The following MEX3A variants were observed in gnomAD, a reference collection of about 807,000 sequenced individuals.
The protein encoded by MEX3A is mex-3 RNA binding family member A, also known as RNA-binding protein MEX3A.
In MEX3A, 4 loss-of-function variants were observed where a neutral mutation model predicts 30.0. That is an observed-to-expected ratio of 0.13 (90% CI 0.07 to 0.30). The LOEUF is 0.30. Ranked by LOEUF, MEX3A falls within the 10% of genes least tolerant of loss-of-function variation. The pLI is 1.00. For synonymous variants in MEX3A, 335 were observed against 327.6 expected (o/e 1.02, Z -0.24); for missense variants, 555 against 736.7 (o/e 0.75, Z 2.86).
chr1:156,076,870 G>T lies in MEX3A; in HGVS notation c.1267C>A (p.Pro423Thr), dbSNP rs939180332. 6.5e-7 allele frequency: 1 copy of T among 1,538,648 alleles called. No individual in the cohort carries two copies. Among genetic ancestry groups the T allele is most frequent in the South Asian group, 1.2e-5 (1 of 81,456 alleles). ...GTGGCAGGGGAGCGGTGTGCGCCCG[G>T]GGGCCCAGCGCGGGCCTTGGCGGAA... ...SSSAKARAGPPGAHRSPATSA... is the reference protein window; with the variant it reads ...SSSAKARAGPTGAHRSPATSA... Residue 423 changes from proline (P) to threonine (T), a missense_variant, in exon 2 of 2, where the codon CCG (proline) becomes ACG (threonine). This residue lies in a region of MEX3A where 281 missense variants were observed against 265.1 expected (regional missense o/e 1.06). Transcript: ENST00000532414. The surrounding 1 kb of genome is among the most constrained non-coding windows in gnomAD (Gnocchi z 6.0).
chr1:156,078,252 G>T (rs537636611), intron 1 of MEX3A, among the ~76,000 whole-genome samples: 27 of 152,120 alleles, frequency 1.8e-4, no homozygotes, highest in Non-Finnish European at 3.8e-4. Flanking sequence ...CTCTATGACC[G>T]CCCCACATGC....
At position 156,081,615 on chromosome 1, in the gene MEX3A, G is replaced by A. The variant is rs747454759; in HGVS notation, c.384C>T (p.Gly128=). The part of the protein sequence containing the change: ...LYKEAELRLK[G]SSNTTECVPV... The stretch of plus-strand genomic sequence containing the variant: ...GAACACACTCCGTGGTGTTGCTGCT[G>A]CCCTTCAGGCGCAGCTCGGCCTCTT... The change falls in exon 1 of 2, where the codon GGC becomes GGT. Residue 128 remains glycine, a synonymous_variant. Transcript: ENST00000532414. 5 of 1,576,970 alleles carry A rather than the reference G, an allele frequency of 3.2e-6. No homozygotes were observed. In the South Asian group the frequency reaches 5.8e-5, roughly 18 times the overall value.
In MEX3A at chr1:156,077,576, G is replaced by A; in HGVS notation, c.561C>T (p.Ala187=). Residue 187 remains alanine (A), a synonymous_variant, in exon 2 of 2, where the codon GCC becomes GCT. Coordinates refer to ENST00000532414, the MANE Select transcript of MEX3A (RefSeq NM_001093725.2). This position sits in a 1 kb window ranked among gnomAD's most constrained non-coding sequence, Gnocchi z 8.3. ...CTGAGATGATTTCCCGCCGGGCTGTGGCCACGTCCTCCCGTCGCCCTGTCA... is the reference window on the plus strand; with the variant it reads ...CTGAGATGATTTCCCGCCGGGCTGTAGCCACGTCCTCCCGTCGCCCTGTCA... ...FMVTGRREDV[A]TARREIISAA... 1 of 1,612,300 alleles carries A rather than the reference G, an allele frequency of 6.2e-7. No individual in the cohort carries two copies. The highest frequency in any genetic ancestry group is 8.5e-7 in the Non-Finnish European group (1 of 1,179,442).
rs1387665501 is a variant in MEX3A, at chr1:156,072,206, A to G, written c.*4368T>C. On this transcript the variant is annotated 3_prime_UTR_variant, in exon 2 of 2. Transcript: ENST00000532414. The stretch of plus-strand genomic sequence containing the variant: ...GTGGATTTGTACGTGTCTTCACTAG[A>G]TGCCTCAAATTAAGTCTGACCACAA... 6.6e-6 allele frequency: 1 copy of G among 152,330 alleles called. No individual in the cohort carries two copies. The highest frequency in any genetic ancestry group is 1.5e-5 in the Non-Finnish European group (1 of 67,944). The allele number at this position is 152,330 out of a possible 1,614,324, so 9.4% of individuals were successfully genotyped here. A position where few individuals can be genotyped will look rare whatever the true frequency, so the allele number is the denominator to read the frequency against.
intron 1 of MEX3A, among the ~76,000 whole-genome samples, chr1:156,081,042 C>T (rs1648212823): frequency 6.6e-6 from 1 of 152,182 alleles, no homozygotes; most frequent in African/African-American, 2.4e-5. Flanking sequence ...GGGCCACACC[C>T]CCTTCCATTC....
intron 1 of MEX3A, among the ~76,000 whole-genome samples, chr1:156,078,485 A>C (rs1166074867): frequency 2.0e-5 from 3 of 152,134 alleles, no homozygotes; most frequent in Admixed American, 6.5e-5. Context: ...GGGGCTGAGT[A>C]CGGTGAGGGA....
chr1:156,077,425 C>A lies in MEX3A; in HGVS notation c.712G>T (p.Val238Leu). Residue 238 changes from valine (V) to leucine (L), a missense_variant, in exon 2 of 2, where the codon GTG becomes TTG. Physicochemically the swap from Val to Leu is conservative, Grantham distance 32. Coordinates refer to ENST00000532414, the MANE Select transcript of MEX3A (RefSeq NM_001093725.2). This position sits in a 1 kb window ranked among gnomAD's most constrained non-coding sequence, Gnocchi z 8.3. ...VRVPYRVVGL[V>L]VGPKGATIKR... ...ATGGTTGCCCCTTTGGGGCCCACCACCAGCCCCACCACGCGGTAGGGCACC... is the reference window on the plus strand; with the variant it reads ...ATGGTTGCCCCTTTGGGGCCCACCAACAGCCCCACCACGCGGTAGGGCACC... 5 of 1,613,758 alleles carry A rather than the reference C, an allele frequency of 3.1e-6. No homozygotes were observed. The highest frequency in any genetic ancestry group is 4.2e-6 in the Non-Finnish European group (5 of 1,179,794).
Position 156,080,188 on chromosome 1 carries a change from C to T in MEX3A, c.454+1357G>A, listed in dbSNP as rs998706619. 2.6e-5 allele frequency among the ~76,000 whole-genome samples: 4 copies of T among 152,150 alleles called. No individual in the cohort carries two copies. In the East Asian group the frequency reaches 5.8e-4, roughly 22 times the overall value. On this transcript the variant is annotated intron_variant, in intron 1 of 1. Coordinates refer to ENST00000532414, the MANE Select transcript of MEX3A (RefSeq NM_001093725.2). The stretch of plus-strand genomic sequence containing the variant: ...AAGAAAAGATAGCAATGTCCGTCCC[C>T]ACCCAATTCCAGGGCTTTGGATCCC...
Position 156,076,804 on chromosome 1 carries a change from G to A in MEX3A, c.1333C>T (p.Pro445Ser), listed in dbSNP as rs1193302545. The change falls in exon 2 of 2, where the codon CCG becomes TCG. Residue 445 changes from proline (P) to serine (S), a missense_variant. Coordinates refer to ENST00000532414, the MANE Select transcript of MEX3A (RefSeq NM_001093725.2). This position sits in a 1 kb window ranked among gnomAD's most constrained non-coding sequence, Gnocchi z 6.0. ...PELAGLPRRP[P>S]GEPLQGFSKL... The stretch of plus-strand genomic sequence containing the variant: ...GAGAAGCCCTGGAGCGGCTCTCCCG[G>A]GGGGCGCCTCGGGAGTCCGGCCAGC... The A allele has an allele frequency of 6.4e-7, 1 of 1,560,744 alleles. No homozygotes were observed. The highest frequency in any genetic ancestry group is 8.7e-7 in the Non-Finnish European group (1 of 1,152,798).
At chr1:156,080,284 G>C (rs1257965182) in intron 1 of MEX3A, among the ~76,000 whole-genome samples, 2 of 152,180 alleles carry the variant, frequency 1.3e-5, no homozygotes, top group Admixed American at 6.5e-5. Flanking sequence ...CCAGGGGGAT[G>C]AGGGCTGTGC....
rs945724573 is a variant in MEX3A, at chr1:156,072,555, A to AG, written c.*4018dup. On this transcript the variant is annotated 3_prime_UTR_variant, in exon 2 of 2. Coordinates refer to ENST00000532414, the MANE Select transcript of MEX3A (RefSeq NM_001093725.2). ...AAGGGGCCCCTCCAACCCCTTGGATAGGAGGGGAAGGCCCAGTGATTGCAA... is the reference window on the plus strand; with the variant it reads ...AAGGGGCCCCTCCAACCCCTTGGATAGGGAGGGGAAGGCCCAGTGATTGCAA... 5 of 152,714 alleles carry AG rather than the reference A, an allele frequency of 3.3e-5. No homozygotes were observed. The highest frequency in any genetic ancestry group is 1.2e-4 in the African/African-American group (5 of 41,426). 9.5% of individuals were successfully genotyped at this position (152,714 alleles called of 1,614,324 possible). A position where few individuals can be genotyped will look rare whatever the true frequency, so the allele number is the denominator to read the frequency against.
At chr1:156,080,456 G>A (rs1246176564) in intron 1 of MEX3A, among the ~76,000 whole-genome samples, 2 of 151,896 alleles carry the variant, frequency 1.3e-5, no homozygotes, top group African/African-American at 4.8e-5. Context: ...ACTCCCAGCC[G>A]GAATGCAGCT....
Position 156,081,678 on chromosome 1 carries a change from G to C in MEX3A, c.321C>G (p.Pro107=), listed in dbSNP as rs1359102528. Residue 107 remains proline (P), a synonymous_variant, in exon 1 of 2, where the codon CCC becomes CCG. Transcript: ENST00000532414. Reference sequence around the variant, plus strand: ...AGAGCTTGGCGTCGCTCGCCCCTTTGGGGGCGGTGGGGGGCTGGGGCGTCT... The same window carrying C: ...AGAGCTTGGCGTCGCTCGCCCCTTTCGGGGCGGTGGGGGGCTGGGGCGTCT... ...AAQTPQPPTA[P]KGASDAKLCA... 7 of 1,464,546 alleles carry C rather than the reference G, an allele frequency of 4.8e-6. No homozygotes were observed. The highest frequency in any genetic ancestry group is 6.4e-6 in the Non-Finnish European group (7 of 1,102,014). 90.7% of individuals were successfully genotyped at this position (1,464,546 alleles called of 1,614,324 possible). A position where few individuals can be genotyped will look rare whatever the true frequency, so the allele number is the denominator to read the frequency against.
rs1363611934 is a variant in MEX3A at position 156,081,747 on chromosome 1, C to T, written c.252G>A (p.Pro84=). 3 of 811,314 alleles carry T rather than the reference C, an allele frequency of 3.7e-6. No individual in the cohort carries two copies. Among genetic ancestry groups the T allele is most frequent in the Admixed American group, 6.4e-5 (1 of 15,544 alleles). 50.3% of individuals were successfully genotyped at this position (811,314 alleles called of 1,614,324 possible). ...AAPPQPAPPP[P]PAAPPAAPTA... is the part of the protein sequence containing the mutation. ...TCGGGGCGGCCGGGGGCGCCGCGGG[C>T]GGCGGCGGCGGGGCCGGCTGCGGGG... The change falls in exon 1 of 2, where the codon CCG becomes CCA. Residue 84 remains proline, a synonymous_variant. Transcript: ENST00000532414.
Position 156,077,219 on chromosome 1 carries a change from C to A in MEX3A, c.918G>T (p.Ala306=), listed in dbSNP as rs375692211. The A allele has an allele frequency of 5.6e-6, 9 of 1,613,532 alleles. No homozygotes were observed. Among genetic ancestry groups the A allele is most frequent in the Middle Eastern group, 1.6e-4 (1 of 6,084 alleles). ...TATCGATTGCTGCGTCGGGGCTCCC[C>A]GCCAGGAAGTCGTTTTCATTGTTGT... ...LEYNNENDFL[A]GSPDAAIDSR... The change falls in exon 2 of 2, where the codon GCG becomes GCT. Residue 306 remains alanine, a synonymous_variant. Coordinates refer to ENST00000532414, the MANE Select transcript of MEX3A (RefSeq NM_001093725.2). This position sits in a 1 kb window ranked among gnomAD's most constrained non-coding sequence, Gnocchi z 8.3.
Position 156,077,210 on chromosome 1 carries a change from G to C in MEX3A, c.927C>G (p.Pro309=). The change falls in exon 2 of 2, where the codon CCC becomes CCG. Residue 309 remains proline (P), a synonymous_variant. Coordinates refer to ENST00000532414, the MANE Select transcript of MEX3A (RefSeq NM_001093725.2). The surrounding 1 kb of genome is among the most constrained non-coding windows in gnomAD (Gnocchi z 8.3). ...AGTAGCGGCTATCGATTGCTGCGTC[G>C]GGGCTCCCCGCCAGGAAGTCGTTTT... ...NNENDFLAGS[P]DAAIDSRYSD... 2 of 1,613,572 alleles carry C rather than the reference G, an allele frequency of 1.2e-6. No individual in the cohort carries two copies. Among genetic ancestry groups the C allele is most frequent in the Non-Finnish European group, 1.7e-6 (2 of 1,179,856 alleles).
In MEX3A at chr1:156,077,028, A is replaced by T; in HGVS notation, c.1109T>A (p.Phe370Tyr). 6.2e-7 allele frequency: 1 copy of T among 1,613,690 alleles called. No homozygotes were observed. The highest frequency in any genetic ancestry group is 2.2e-5 in the East Asian group (1 of 44,868). ...CTGCTTGCCCACGCCATAGCCCGGA[A>T]AGAGGTACCCGCCGTAGCCAAAGTC... ...GGDFGYGGYL[F>Y]PGYGVGKQDV... Residue 370 changes from phenylalanine to tyrosine, a missense_variant, in exon 2 of 2, where the codon TTT (phenylalanine) becomes TAT (tyrosine). Phe to Tyr is a conservative substitution (Grantham distance 22, BLOSUM62 3). This residue lies in a region of MEX3A where 281 missense variants were observed against 265.1 expected (regional missense o/e 1.06). Transcript: ENST00000532414. This position sits in a 1 kb window ranked among gnomAD's most constrained non-coding sequence, Gnocchi z 8.3.
intron 1 of MEX3A, among the ~76,000 whole-genome samples, chr1:156,079,922 G>A (rs116219264): frequency 0.022 from 3,407 of 152,202 alleles, 127 homozygotes; most frequent in African/African-American, 0.078. Context: ...ATCTCTTGAA[G>A]GGAAGACCCA....
At position 156,073,702 on chromosome 1, in the gene MEX3A, G is replaced by A. The variant is rs1017607590; in HGVS notation, c.*2872C>T. On this transcript the variant is annotated 3_prime_UTR_variant, in exon 2 of 2. Transcript: ENST00000532414. ...AGTATTCTTTTCTTTTAAACCCCTC[G>A]GTTTCTCTTTTTCTTCTCTTTCTCT... is the stretch of plus-strand genomic sequence containing the variant. The A allele has an allele frequency of 4.6e-5, 7 of 151,044 alleles. No homozygotes were observed. The highest frequency in any genetic ancestry group is 2.0e-4 in the Admixed American group (3 of 15,168). 9.4% of individuals were successfully genotyped at this position (151,044 alleles called of 1,614,324 possible).
Sources: allele counts gnomAD v4.1 joint callset (sites outside exome capture counted in the v4.1 genomes callset), GRCh38; gene constraint gnomAD v4.1.1; regional missense constraint gnomAD v4.1.1; non-coding constraint Gnocchi (gnomAD v3.1); transcripts MANE v1.5; gene names NCBI Gene and HGNC (gene_info 2026-07-23, HGNC 2026-07-21).